Variants in PRKCE observed in about 807,000 individuals in gnomAD.
The protein encoded by PRKCE is protein kinase C epsilon, also known as protein kinase C epsilon type.
A neutral mutation model predicts 85.4 loss-of-function variants in PRKCE; 16 were observed. The ratio of observed to expected loss-of-function variants is 0.19; its 90% CI spans 0.13 to 0.28. PRKCE has a LOEUF of 0.28. Ranked by LOEUF, PRKCE falls within the 10% of genes least tolerant of loss-of-function variation. PRKCE has a pLI of 1.00. For missense variants in PRKCE, 573 were observed against 975.2 expected, an observed-to-expected ratio of 0.59 and a Z score of 5.49; for synonymous variants, 388 against 371.5, an observed-to-expected ratio of 1.04 and a Z score of -0.51.
chr2:45,852,710 G>T (rs1019830956), intron 2 of PRKCE, among the ~76,000 whole-genome samples: 1 of 152,228 alleles, frequency 6.6e-6, no homozygotes, highest in African/African-American at 2.4e-5. Flanking sequence ...CTGGAAGGGG[G>T]AAGTGGGAGA....
At chr2:45,736,731 T>C (rs1334042961) in intron 1 of PRKCE, among the ~76,000 whole-genome samples, 1 of 152,216 alleles carries the variant, frequency 6.6e-6, no homozygotes, top group African/African-American at 2.4e-5. Flanking sequence ...TTGTCCTGCA[T>C]GTGCGCCTTC....
chr2:45,998,003 G>GTC (rs1482270892), intron 6 of PRKCE, among the ~76,000 whole-genome samples: 8 of 151,940 alleles, frequency 5.3e-5, no homozygotes. Flanking sequence ...TTCCATTGTG[G>GTC]TCTAAAGCCA....
intron 11 of PRKCE, among the ~76,000 whole-genome samples, chr2:46,086,944 G>T (rs1669701475): frequency 6.6e-6 from 1 of 152,006 alleles, no homozygotes. Flanking sequence ...AGAAACACAC[G>T]CACGTCCACA....
chr2:46,037,933 T>A (rs949506471), intron 10 of PRKCE, among the ~76,000 whole-genome samples: 1 of 152,230 alleles, frequency 6.6e-6, no homozygotes, highest in Non-Finnish European at 1.5e-5. Context: ...TTATTTTCTT[T>A]ATCTTAAAAA....
At chr2:45,855,594 G>C (rs1425709636) in intron 2 of PRKCE, among the ~76,000 whole-genome samples, 1 of 152,146 alleles carries the variant, frequency 6.6e-6, no homozygotes, top group Admixed American at 6.5e-5. Context: ...AGGTCCATCT[G>C]GGAGAAAGGG....
At chr2:45,932,204 T>G (rs1418250107) in intron 2 of PRKCE, among the ~76,000 whole-genome samples, 2 of 152,204 alleles carry the variant, frequency 1.3e-5, no homozygotes, top group Admixed American at 1.3e-4. Flanking sequence ...TTGTGTCTGG[T>G]TTTTCATTCA....
intron 10 of PRKCE, among the ~76,000 whole-genome samples, chr2:46,025,804 A>G (rs113407143): frequency 0.044 from 6,647 of 152,268 alleles, 203 homozygotes; most frequent in East Asian, 0.13. Context: ...TCCAAGGCAG[A>G]TCTGGATGTT....
chr2:45,701,835 G>A (rs1029261241), intron 1 of PRKCE, among the ~76,000 whole-genome samples: 6 of 152,138 alleles, frequency 3.9e-5, no homozygotes, highest in African/African-American at 1.4e-4. Context: ...ACACCGACGA[G>A]TCTAGATTAT....
chr2:46,149,291 A>C (rs2104512841), intron 12 of PRKCE, among the ~76,000 whole-genome samples: 1 of 152,276 alleles, frequency 6.6e-6, no homozygotes, highest in East Asian at 1.9e-4. Flanking sequence ...TGGAATGACT[A>C]GGCATGAACT....
intron 6 of PRKCE, among the ~76,000 whole-genome samples, chr2:45,997,056 T>C (rs1704278026): frequency 6.6e-6 from 1 of 152,210 alleles, no homozygotes; most frequent in East Asian, 1.9e-4. Context: ...GATTGTGTAT[T>C]TTAAGGAATT....
chr2:46,034,539 C>G (rs1458415633), intron 10 of PRKCE, among the ~76,000 whole-genome samples: 2 of 152,168 alleles, frequency 1.3e-5, no homozygotes, highest in Non-Finnish European at 2.9e-5. Flanking sequence ...CAAGCAACAC[C>G]AGAATTGGCT....
intron 1 of PRKCE, among the ~76,000 whole-genome samples, chr2:45,808,164 C>A (rs191271386): frequency 1.1e-3 from 172 of 152,222 alleles, no homozygotes; most frequent in Admixed American, 2.2e-3. Context: ...GTCTTTTCCC[C>A]CAAGCCAGAG....
chr2:45,882,799 A>G (rs1694977966), intron 2 of PRKCE, among the ~76,000 whole-genome samples: 1 of 152,256 alleles, frequency 6.6e-6, no homozygotes, highest in South Asian at 2.1e-4. Context: ...CGTTTCTTAA[A>G]TGTTCACGTG....
chr2:45,654,499 G>C (rs541011395), intron 1 of PRKCE, among the ~76,000 whole-genome samples: 22 of 152,328 alleles, frequency 1.4e-4, no homozygotes, highest in Non-Finnish European at 2.6e-4. Flanking sequence ...GTTGGAAGTA[G>C]GGCCCTCACC....
chr2:45,875,045 C>G (rs1253773359), intron 2 of PRKCE, among the ~76,000 whole-genome samples: 1 of 151,686 alleles, frequency 6.6e-6, no homozygotes. Context: ...CCACATTACA[C>G]ACATGCATGC....
chr2:45,859,590 T>G (rs1573636974), intron 2 of PRKCE, among the ~76,000 whole-genome samples: 1 of 152,354 alleles, frequency 6.6e-6, no homozygotes, highest in East Asian at 1.9e-4. Flanking sequence ...TTTTATGTGT[T>G]TTTGACCTTT....
intron 10 of PRKCE, among the ~76,000 whole-genome samples, chr2:46,074,637 A>G (rs1019516603): frequency 3.3e-5 from 5 of 152,152 alleles, no homozygotes; most frequent in Non-Finnish European, 5.9e-5. Context: ...CTGTTGGTAC[A>G]GGAACTGATA....
chr2:46,091,644 G>A (rs1670179410), intron 11 of PRKCE, among the ~76,000 whole-genome samples: 1 of 152,196 alleles, frequency 6.6e-6, no homozygotes, highest in Non-Finnish European at 1.5e-5. Context: ...CAATAAAGTA[G>A]GGATGATAGT....
chr2:45,892,772 A>G (rs2103619230), intron 2 of PRKCE, among the ~76,000 whole-genome samples: 1 of 152,294 alleles, frequency 6.6e-6, no homozygotes, highest in South Asian at 2.1e-4. Flanking sequence ...TGGGATATGG[A>G]TTTACCCGAC....
Sources: allele counts gnomAD v4.1 joint callset (sites outside exome capture counted in the v4.1 genomes callset), GRCh38; gene constraint gnomAD v4.1.1; transcripts MANE v1.5; gene names NCBI Gene and HGNC (gene_info 2026-07-23, HGNC 2026-07-21).